The following AAK1 variants were observed in gnomAD, a reference collection of about 807,000 sequenced individuals.
The protein encoded by AAK1 is AP2-associated protein kinase 1.
AAK1 carries 37 observed loss-of-function variants against 116.0 expected under a neutral mutation model. The observed-to-expected ratio is 0.32, with a 90% confidence interval of 0.25 to 0.42. The LOEUF (loss-of-function observed/expected upper bound fraction) is 0.42. Ranked by LOEUF, AAK1 falls within the 10% of genes least tolerant of loss-of-function variation. The probability of loss-of-function intolerance (pLI) is 1.00; values close to 1 mark genes in which losing one functional copy is unlikely to be tolerated. For missense variants in AAK1, 919 were observed against 1,170.6 expected, an observed-to-expected ratio of 0.79 and a Z score of 3.14; for synonymous variants, 458 against 439.9, an observed-to-expected ratio of 1.04 and a Z score of -0.51.
At chr2:69,480,282 A>C (rs1169031865) in intron 19 of AAK1, among the ~76,000 whole-genome samples, 3 of 151,736 alleles carry the variant, frequency 2.0e-5, no homozygotes, top group African/African-American at 7.3e-5. Context: ...AAAAAGAAGA[A>C]GGTTACCAAA....
rs13004943 is a variant in AAK1 at position 69,638,674 on chromosome 2, C to A, written c.163+4204G>T. 5.6e-3 allele frequency among the ~76,000 whole-genome samples: 849 copies of A among 152,266 alleles called. 4 individuals are homozygous for A. Among genetic ancestry groups the A allele is most frequent in the Non-Finnish European group, 0.01 (684 of 68,026 alleles). Reference sequence around the variant, plus strand: ...TCTCAAAATTTATCATGCTGTTTCACCACTTTGCCTATACTATTCTCTCAG... The same window carrying A: ...TCTCAAAATTTATCATGCTGTTTCAACACTTTGCCTATACTATTCTCTCAG... On this transcript the variant is annotated intron_variant, in intron 2 of 21. Coordinates refer to ENST00000409085, the MANE Select transcript of AAK1 (RefSeq NM_014911.5).
chr2:69,534,690 C>T (rs1240333576), intron 5 of AAK1, among the ~76,000 whole-genome samples: 1 of 152,242 alleles, frequency 6.6e-6, no homozygotes, highest in African/African-American at 2.4e-5. Context: ...CAAAGGCCTT[C>T]AGGCCACATC....
At chr2:69,590,777 T>C (rs1672993952) in intron 2 of AAK1, among the ~76,000 whole-genome samples, 1 of 152,246 alleles carries the variant, frequency 6.6e-6, no homozygotes. Flanking sequence ...GGAATAAGTA[T>C]ATCCTATCAA....
intron 2 of AAK1, among the ~76,000 whole-genome samples, chr2:69,562,261 A>G (rs1474569197): frequency 1.3e-5 from 2 of 152,160 alleles, no homozygotes; most frequent in Admixed American, 6.5e-5. Context: ...TTTTCATTTT[A>G]GCTATTCTAG....
chr2:69,526,819 G>A (rs562380926), intron 9 of AAK1, among the ~76,000 whole-genome samples: 1 of 152,160 alleles, frequency 6.6e-6, no homozygotes, highest in Admixed American at 6.5e-5. Flanking sequence ...CGGGGACAAG[G>A]GGCGTAGGTT....
At chr2:69,516,239 A>G (rs543996772) in intron 12 of AAK1, among the ~76,000 whole-genome samples, 1 of 152,044 alleles carries the variant, frequency 6.6e-6, no homozygotes, top group Non-Finnish European at 1.5e-5. Context: ...TTCAGTAATC[A>G]TATGGTTATT....
rs953393609 is a variant in AAK1, at chr2:69,466,656, A to C, written c.*9213T>G. ...AAAACATTGTGGGACCAAATAATAGATGTTGAAAATGCAACAGGAAAAACA... is the reference window on the plus strand; with the variant it reads ...AAAACATTGTGGGACCAAATAATAGCTGTTGAAAATGCAACAGGAAAAACA... On this transcript the variant is annotated 3_prime_UTR_variant, in exon 22 of 22. Coordinates refer to ENST00000409085, the MANE Select transcript of AAK1 (RefSeq NM_014911.5). 3.2e-5 allele frequency: 35 copies of C among 1,082,982 alleles called. No individual in the cohort carries two copies. The African/African-American group carries it at 3.5e-4, about 11-fold the overall frequency. The allele number at this position is 1,082,982 out of a possible 1,614,324, so 67.1% of individuals were successfully genotyped here.
Position 69,470,200 on chromosome 2 carries a change from G to A in AAK1, c.*5669C>T. 2.0e-6 allele frequency: 2 copies of A among 985,434 alleles called. No homozygotes were observed. The highest frequency in any genetic ancestry group is 2.4e-6 in the Non-Finnish European group (2 of 829,928). 61.0% of individuals were successfully genotyped at this position (985,434 alleles called of 1,614,324 possible). ...AAAACTGAAAGAACGGTTACAGGGA[G>A]TATCAAAGATATGATTCTTGCCAAA... On this transcript the variant is annotated 3_prime_UTR_variant, in exon 22 of 22. Coordinates refer to ENST00000409085, the MANE Select transcript of AAK1 (RefSeq NM_014911.5).
chr2:69,547,351 CA>C (rs1247695877), intron 3 of AAK1, among the ~76,000 whole-genome samples: 4 of 152,118 alleles, frequency 2.6e-5, no homozygotes, highest in Non-Finnish European at 5.9e-5. Context: ...AAAATATTTA[CA>C]AATCATACAT....
Position 69,514,659 on chromosome 2 carries a change from T to G in AAK1, c.1588A>C (p.Asn530His), listed in dbSNP as rs115197961. 1 of 1,613,154 alleles carries G rather than the reference T, an allele frequency of 6.2e-7. No homozygotes were observed. The highest frequency in any genetic ancestry group is 1.3e-5 in the African/African-American group (1 of 75,046). The change falls in exon 13 of 22, where the codon AAT becomes CAT. Residue 530 changes from asparagine to histidine, a missense_variant. Transcript: ENST00000409085. ...TGCTGCTGCTGCTGCTGGTAGAAAT[T>G]CTGCATTAGCTGCTGTTGAGAGCCT... Reference protein sequence around the residue: ...QGGSQQQLMQNFYQQQQQQQQ... With the variant: ...QGGSQQQLMQHFYQQQQQQQQ...
Position 69,643,704 on chromosome 2 carries a change from C to T in AAK1, c.-364G>A. 7 of 1,216,910 alleles carry T rather than the reference C, an allele frequency of 5.8e-6. No homozygotes were observed. The South Asian group carries it at 2.9e-4, about 51-fold the overall frequency. 75.4% of individuals were successfully genotyped at this position (1,216,910 alleles called of 1,614,324 possible). ...CGGGGCCGCGCTCGGCTCCCGCCCG[C>T]CCGCCAGCTGATCCCGGGAGCGCCG... On this transcript the variant is annotated 5_prime_UTR_variant, in exon 1 of 22. Coordinates refer to ENST00000409085, the MANE Select transcript of AAK1 (RefSeq NM_014911.5).
At chr2:69,503,219 T>G (rs1676045580) in intron 16 of AAK1, among the ~76,000 whole-genome samples, 1 of 152,208 alleles carries the variant, frequency 6.6e-6, no homozygotes, top group South Asian at 2.1e-4. Context: ...TATTATTAAA[T>G]GACAACATTC....
At chr2:69,585,022 T>C (rs1184636842) in intron 2 of AAK1, among the ~76,000 whole-genome samples, 1 of 152,196 alleles carries the variant, frequency 6.6e-6, no homozygotes, top group East Asian at 1.9e-4. Context: ...TGAAGAAAAG[T>C]CATCTACATA....
rs543441128 is a variant in AAK1, at chr2:69,520,581, C to G, written c.1210+253G>C. Among the ~76,000 whole-genome samples, 68 of 152,134 alleles carry G rather than the reference C, an allele frequency of 4.5e-4. 1 individual carries two copies. The highest frequency in any genetic ancestry group is 1.5e-3 in the African/African-American group (64 of 41,506). On this transcript the variant is annotated intron_variant, in intron 11 of 21. Coordinates refer to ENST00000409085, the MANE Select transcript of AAK1 (RefSeq NM_014911.5). ...GTTTCATCATGTTGGCCAGGCTGGT[C>G]TCGAAATCGAACTGACCTCGGATGA...
At chr2:69,479,197 A>C in intron 19 of AAK1, 136 bp from the exon 20 acceptor site, 1 of 625,712 alleles carries the variant, frequency 1.6e-6, no homozygotes, top group South Asian at 2.0e-5. Flanking sequence ...GGAGAATAAA[A>C]ACCAAAAGAA....
Position 69,471,523 on chromosome 2 carries a change from T to C in AAK1, c.*4346A>G. The C allele has an allele frequency of 1.0e-6, 1 of 985,382 alleles. No individual in the cohort carries two copies. The highest frequency in any genetic ancestry group is 1.2e-6 in the Non-Finnish European group (1 of 829,922). The allele number at this position is 985,382 out of a possible 1,614,324, so 61.0% of individuals were successfully genotyped here. A position where few individuals can be genotyped will look rare whatever the true frequency, so the allele number is the denominator to read the frequency against. On this transcript the variant is annotated 3_prime_UTR_variant, in exon 22 of 22. Coordinates refer to ENST00000409085, the MANE Select transcript of AAK1 (RefSeq NM_014911.5). ...TCCATTCTAAATATTCATGTGATAG[T>C]TTTTCTGTTCTGCCAGGCAGCCTCT...
chr2:69,543,599 G>A (rs1344451789), intron 4 of AAK1, among the ~76,000 whole-genome samples: 7 of 152,120 alleles, frequency 4.6e-5, no homozygotes, highest in Non-Finnish European at 4.4e-5. Flanking sequence ...GTAGAAATAG[G>A]GTTTTACCAT....
chr2:69,604,809 T>C (rs1157112970), intron 2 of AAK1, among the ~76,000 whole-genome samples: 1 of 152,126 alleles, frequency 6.6e-6, no homozygotes, highest in Non-Finnish European at 1.5e-5. Context: ...CCTCTCTGCA[T>C]GGAGTCCCTC....
chr2:69,475,238 A>C lies in AAK1; in HGVS notation c.*631T>G, dbSNP rs1482096132. The C allele has an allele frequency of 2.0e-6, 2 of 985,766 alleles. No homozygotes were observed. Among genetic ancestry groups the C allele is most frequent in the Non-Finnish European group, 2.4e-6 (2 of 829,978 alleles). 61.1% of individuals were successfully genotyped at this position (985,766 alleles called of 1,614,324 possible). On this transcript the variant is annotated 3_prime_UTR_variant, in exon 22 of 22. Coordinates refer to ENST00000409085, the MANE Select transcript of AAK1 (RefSeq NM_014911.5). Reference sequence around the variant, plus strand: ...GCATGGGGTGTAAAATCCCTTGGCTAAGTCTATGATCAAACAAGGTCAAAG... The same window carrying C: ...GCATGGGGTGTAAAATCCCTTGGCTCAGTCTATGATCAAACAAGGTCAAAG...
Sources: allele counts gnomAD v4.1 joint callset (sites outside exome capture counted in the v4.1 genomes callset), GRCh38; gene constraint gnomAD v4.1.1; transcripts MANE v1.5; gene names NCBI Gene and HGNC (gene_info 2026-07-23, HGNC 2026-07-21).